The following PHACTR3 variants were observed in gnomAD, a reference collection of about 807,000 sequenced individuals.
PHACTR3 encodes the protein protein phosphatase 1, regulatory subunit 123.
In PHACTR3, 16 loss-of-function variants were observed where a neutral mutation model predicts 66.8. The ratio of observed to expected loss-of-function variants is 0.24; its 90% CI spans 0.16 to 0.36. PHACTR3 has a LOEUF of 0.36. PHACTR3 is among the 10% of genes least tolerant of loss of function. The pLI, the probability that PHACTR3 is intolerant of heterozygous loss-of-function variation, is 1.00. For missense variants in PHACTR3, 647 were observed against 719.9 expected, an observed-to-expected ratio of 0.90 and a Z score of 1.16; for synonymous variants, 323 against 292.1, an observed-to-expected ratio of 1.11 and a Z score of -1.08.
intron 4 of PHACTR3, among the ~76,000 whole-genome samples, chr20:59,759,099 C>T (rs1203901349): frequency 1.3e-5 from 2 of 152,164 alleles, no homozygotes; most frequent in Non-Finnish European, 1.5e-5. Context: ...CCTACAGATG[C>T]TCCCAGAGAG....
chr20:59,742,972 G>T lies in PHACTR3; in HGVS notation c.119-135G>T, dbSNP rs1601240699. 19 of 1,024,900 alleles carry T rather than the reference G, an allele frequency of 1.9e-5. No homozygotes were observed. In the East Asian group the frequency reaches 4.6e-4, roughly 25 times the overall value. 63.5% of individuals were successfully genotyped at this position (1,024,900 alleles called of 1,614,324 possible). ...CTGCGGCCACTGTGGGTGCACTGCT[G>T]GACAACCATCCTGGGGTCCAGGCTT... On this transcript the variant is annotated intron_variant, in intron 1 of 12. Transcript: ENST00000371015.
At chr20:59,689,891 C>T (rs1348608195) in intron 1 of PHACTR3, among the ~76,000 whole-genome samples, 1 of 152,158 alleles carries the variant, frequency 6.6e-6, no homozygotes, top group African/African-American at 2.4e-5. Context: ...CCAGGAAGGT[C>T]CAGGCCCCCT....
At position 59,618,524 on chromosome 20, in the gene PHACTR3, G is replaced by A. The variant is rs184736835; in HGVS notation, c.118+13392G>A. On this transcript the variant is annotated intron_variant, in intron 1 of 12. Coordinates refer to ENST00000371015, the MANE Select transcript of PHACTR3 (RefSeq NM_080672.5). ...GTTTGCAGAGCTCATTCAGAAAAGG[G>A]GCTGGGACTACATTGCCCGGAGGAA... Among the ~76,000 whole-genome samples the A allele has an allele frequency of 2.5e-3, 380 of 152,308 alleles. 2 individuals carry two copies. Among genetic ancestry groups the A allele is most frequent in the African/African-American group, 8.9e-3 (369 of 41,576 alleles).
chr20:59,590,363 A>G (rs1005893270), intron 1 of PHACTR3, among the ~76,000 whole-genome samples: 1 of 152,132 alleles, frequency 6.6e-6, no homozygotes, highest in Non-Finnish European at 1.5e-5. Flanking sequence ...TCTGGAGTAG[A>G]TGACAAGAAC....
intron 1 of PHACTR3, among the ~76,000 whole-genome samples, chr20:59,590,471 C>T (rs1304103969): frequency 6.6e-6 from 1 of 152,204 alleles, no homozygotes; most frequent in African/African-American, 2.4e-5. Flanking sequence ...GTGCCTGTTT[C>T]ACCACATCTT....
chr20:59,610,746 G>A (rs373733274), intron 1 of PHACTR3, among the ~76,000 whole-genome samples: 2 of 152,182 alleles, frequency 1.3e-5, no homozygotes, highest in South Asian at 4.2e-4. Flanking sequence ...GCAGGGCCTT[G>A]CCTGTGGTCC....
At chr20:59,711,669 T>C (rs965562041) in intron 1 of PHACTR3, among the ~76,000 whole-genome samples, 1 of 152,206 alleles carries the variant, frequency 6.6e-6, no homozygotes, top group African/African-American at 2.4e-5. Flanking sequence ...TACCACAGCC[T>C]ATTTTATAAT....
intron 1 of PHACTR3, among the ~76,000 whole-genome samples, chr20:59,609,486 A>T (rs908574495): frequency 1.8e-5 from 1 of 55,786 alleles, no homozygotes; most frequent in Non-Finnish European, 3.8e-5. Context: ...CCCCACCCCC[A>T]CCCTCACCCC....
At position 59,728,691 on chromosome 20, in the gene PHACTR3, A is replaced by G. The variant is rs187991905; in HGVS notation, c.119-14416A>G. Among the ~76,000 whole-genome samples, 34 of 152,056 alleles carry G rather than the reference A, an allele frequency of 2.2e-4. No homozygotes were observed. In the East Asian group the frequency reaches 6.6e-3, roughly 29 times the overall value. On this transcript the variant is annotated intron_variant, in intron 1 of 12. Coordinates refer to ENST00000371015, the MANE Select transcript of PHACTR3 (RefSeq NM_080672.5). ...CTGGAGACCATTCCTTTTTCTGACCACAGAACCCCGTCTTAATCTCTGTCC... is the reference window on the plus strand; with the variant it reads ...CTGGAGACCATTCCTTTTTCTGACCGCAGAACCCCGTCTTAATCTCTGTCC...
intron 1 of PHACTR3, among the ~76,000 whole-genome samples, chr20:59,708,740 C>G (rs1228182175): frequency 6.6e-6 from 1 of 152,152 alleles, no homozygotes; most frequent in East Asian, 1.9e-4. Context: ...CATGGCTCTT[C>G]TTTATTCAGA....
At chr20:59,779,530 G>A (rs992911177) in intron 7 of PHACTR3, among the ~76,000 whole-genome samples, 4 of 152,204 alleles carry the variant, frequency 2.6e-5, no homozygotes, top group Non-Finnish European at 4.4e-5. Context: ...TGGGGTGAAA[G>A]CAGAAAGCAC....
chr20:59,819,751 G>A (rs142743990), intron 8 of PHACTR3, among the ~76,000 whole-genome samples: 3,215 of 151,130 alleles, frequency 0.021, 94 homozygotes, highest in African/African-American at 0.065. Context: ...TGATTGGGCC[G>A]GTGCTGTCCC....
At chr20:59,796,296 T>C (rs1401377481) in intron 7 of PHACTR3, among the ~76,000 whole-genome samples, 1 of 152,144 alleles carries the variant, frequency 6.6e-6, no homozygotes, top group African/African-American at 2.4e-5. Flanking sequence ...TACATCTTTT[T>C]AATTTTGTAT....
At chr20:59,737,545 C>T (rs530454297) in intron 1 of PHACTR3, among the ~76,000 whole-genome samples, 20 of 151,644 alleles carry the variant, frequency 1.3e-4, no homozygotes, top group Admixed American at 9.9e-4. Flanking sequence ...CGTGCATGTG[C>T]ATGTGTGTGT....
chr20:59,587,434 G>A (rs1234411383), intron 1 of PHACTR3, among the ~76,000 whole-genome samples: 1 of 152,234 alleles, frequency 6.6e-6, no homozygotes, highest in Non-Finnish European at 1.5e-5. Context: ...TGGATGGAGT[G>A]TAATTCTGAA....
chr20:59,721,951 C>G (rs2038317750), intron 1 of PHACTR3, among the ~76,000 whole-genome samples: 1 of 151,508 alleles, frequency 6.6e-6, no homozygotes, highest in African/African-American at 2.4e-5. Context: ...AAACAAGGGC[C>G]CAGTCAGGGT....
At chr20:59,581,409 T>C (rs6100512) in intron 1 of PHACTR3, among the ~76,000 whole-genome samples, 2 of 152,200 alleles carry the variant, frequency 1.3e-5, no homozygotes, top group Admixed American at 6.5e-5. Flanking sequence ...CAGTGGCCCC[T>C]CAGGTCTGCT....
intron 8 of PHACTR3, among the ~76,000 whole-genome samples, chr20:59,835,278 A>AG (rs11477698): frequency 3.3e-4 from 50 of 150,874 alleles, no homozygotes; most frequent in Non-Finnish European, 5.7e-4. Context: ...AGGAATTGTC[A>AG]GGGGGGGAGG....
chr20:59,754,533 T>A (rs2146817549), intron 3 of PHACTR3, among the ~76,000 whole-genome samples: 1 of 152,348 alleles, frequency 6.6e-6, no homozygotes, highest in Middle Eastern at 3.4e-3. Context: ...GCCAGACACG[T>A]AGCCGGTGAT....
Sources: gnomAD v4.1 joint callset for allele counts (sites outside exome capture counted in the v4.1 genomes callset) on GRCh38, gnomAD v4.1.1 for gene constraint, MANE v1.5 for transcripts, NCBI Gene and HGNC (gene_info 2026-07-23, HGNC 2026-07-21) for gene names.